The following NRP1 variants were observed in gnomAD, a reference collection of about 807,000 sequenced individuals.
The protein encoded by NRP1 is neuropilin 1, also known as neuropilin-1.
Under a neutral mutation model 106.7 loss-of-function variants are expected in NRP1, and 35 were observed. The observed-to-expected ratio is 0.33, with a 90% CI of 0.25 to 0.43. The LOEUF (loss-of-function observed/expected upper bound fraction) is 0.43, where lower values mean the gene tolerates loss of function less well. Among genes scored for constraint, NRP1 ranks in the 20% least tolerant of loss-of-function variants. The pLI is 1.00. For synonymous variants in NRP1, 437 were observed against 417.9 expected (o/e 1.05, Z -0.56); for missense variants, 1,024 against 1,170.4 (o/e 0.87, Z 1.83).
chr10:33,315,913 G>T (rs765688317), intron 2 of NRP1, among the ~76,000 whole-genome samples: 1 of 152,206 alleles, frequency 6.6e-6, no homozygotes, highest in Non-Finnish European at 1.5e-5. Flanking sequence ...GGAGGAGTGA[G>T]CTTCAAGAAC....
chr10:33,315,959 G>A (rs1011793876), intron 2 of NRP1, among the ~76,000 whole-genome samples: 1 of 152,272 alleles, frequency 6.6e-6, no homozygotes, highest in East Asian at 1.9e-4. Flanking sequence ...ATAGATAAGG[G>A]AGCCACAGGG....
intron 2 of NRP1, among the ~76,000 whole-genome samples, chr10:33,281,733 A>G (rs1339239071): frequency 1.3e-5 from 2 of 152,172 alleles, no homozygotes; most frequent in African/African-American, 2.4e-5. Context: ...ACCTTGCAGA[A>G]TCCCAGGGAG....
intron 6 of NRP1, among the ~76,000 whole-genome samples, chr10:33,232,120 G>A (rs1327701634): frequency 1.3e-5 from 2 of 152,082 alleles, no homozygotes; most frequent in Admixed American, 1.3e-4. Flanking sequence ...AACGTCACAT[G>A]CTAATAGGCA....
intron 2 of NRP1, among the ~76,000 whole-genome samples, chr10:33,303,218 C>A (rs1174214626): frequency 6.6e-6 from 1 of 152,080 alleles, no homozygotes; most frequent in Non-Finnish European, 1.5e-5. Context: ...CAAAGTGTAC[C>A]AAAACAAACA....
chr10:33,197,581 G>A (rs1248005450), intron 12 of NRP1, 69 bp downstream of exon 12: 2 of 1,243,954 alleles, frequency 1.6e-6, no homozygotes, highest in East Asian at 2.5e-5. Flanking sequence ...GAAACTGAAA[G>A]CGAGGAGCGC....
chr10:33,213,535 G>A lies in NRP1; in HGVS notation c.1465C>T (p.Leu489=). The change falls in exon 9 of 17, where the codon CTG becomes TTG. Residue 489 remains leucine (L), a synonymous_variant. Coordinates refer to ENST00000374867, the MANE Select transcript of NRP1 (RefSeq NM_003873.7). ...CCCCTCACGATCTTCTCCTCCCCCA[G>A]GTCTATTTGGAGCCACTCATTGATG... ...SYINEWLQID[L]GEEKIVRGII... 1 of 1,613,980 alleles carries A rather than the reference G, an allele frequency of 6.2e-7. No homozygotes were observed. Among genetic ancestry groups the A allele is most frequent in the Non-Finnish European group, 8.5e-7 (1 of 1,180,000 alleles).
In NRP1 at chr10:33,207,125, T is replaced by C. The variant is rs565043943; in HGVS notation, c.1759+447A>G. Among the ~76,000 whole-genome samples the C allele has an allele frequency of 3.3e-5, 5 of 152,060 alleles. No individual in the cohort carries two copies. The South Asian group carries it at 1.0e-3, about 32-fold the overall frequency. ...AATAATATTTAAAAGGCAAAAGTGG[T>C]TGCCAGGGGTTGAGGGAAGTTGCCT... On this transcript the variant is annotated intron_variant, in intron 10 of 16. Transcript: ENST00000374867.
intron 16 of NRP1, among the ~76,000 whole-genome samples, chr10:33,181,442 G>A (rs576749706): frequency 4.0e-4 from 61 of 152,278 alleles, no homozygotes; most frequent in South Asian, 8.3e-4. Context: ...GAAGTCCACG[G>A]CTGGCCATAG....
At chr10:33,236,807 G>A (rs1338358543) in intron 6 of NRP1, among the ~76,000 whole-genome samples, 1 of 152,114 alleles carries the variant, frequency 6.6e-6, no homozygotes, top group African/African-American at 2.4e-5. Context: ...TATTGCTGAC[G>A]ATTATTGTTT....
chr10:33,323,045 T>A (rs954754530), intron 2 of NRP1, among the ~76,000 whole-genome samples: 3 of 152,074 alleles, frequency 2.0e-5, no homozygotes, highest in Admixed American at 2.0e-4. Flanking sequence ...CTCATCCCCA[T>A]AATGGGCACA....
chr10:33,179,889 A>G lies in NRP1; in HGVS notation c.*187T>C. On this transcript the variant is annotated 3_prime_UTR_variant, in exon 17 of 17. Coordinates refer to ENST00000374867, the MANE Select transcript of NRP1 (RefSeq NM_003873.7). ...ACAGGAAAAAAGCTGACTGCACATG[A>G]GTCCGATGGTGAACACAGCTCCTTG... 1.6e-6 allele frequency: 1 copy of G among 638,066 alleles called. No individual in the cohort carries two copies. The highest frequency in any genetic ancestry group is 2.8e-6 in the Non-Finnish European group (1 of 360,974). The allele number at this position is 638,066 out of a possible 1,614,324, so 39.5% of individuals were successfully genotyped here. A position where few individuals can be genotyped will look rare whatever the true frequency, so the allele number is the denominator to read the frequency against.
chr10:33,237,480 T>TGCGCGCGC (rs143172801), intron 6 of NRP1, among the ~76,000 whole-genome samples: 41 of 132,180 alleles, frequency 3.1e-4, no homozygotes, highest in African/African-American at 6.4e-4. Flanking sequence ...GAAACACACA[T>TGCGCGCGC]GCGCGCGCAC....
chr10:33,323,243 A>C (rs1847648471), intron 2 of NRP1, among the ~76,000 whole-genome samples: 1 of 151,504 alleles, frequency 6.6e-6, no homozygotes, highest in African/African-American at 2.4e-5. Flanking sequence ...ATGTTTTTCA[A>C]AAAAAAACCA....
At position 33,192,377 on chromosome 10, in the gene NRP1, A is replaced by G; in HGVS notation, c.1966T>C (p.Ser656Pro). The G allele has an allele frequency of 3.7e-6, 6 of 1,613,942 alleles. No individual in the cohort carries two copies. The highest frequency in any genetic ancestry group is 5.1e-6 in the Non-Finnish European group (6 of 1,179,918). Residue 656 changes from serine to proline, a missense_variant, in exon 13 of 17, where the codon TCT becomes CCT. By Grantham distance (74) the Ser-to-Pro change is moderately conservative. Transcript: ENST00000374867. The part of the protein sequence containing the change: ...YGFNCEFGWG[S>P]HKTFCHWEHD... ...TCCCAGTGGCAGAAGGTCTTGTGAG[A>G]GCCCCAGCCAAATTCACAGTTAAAA...
intron 6 of NRP1, among the ~76,000 whole-genome samples, chr10:33,234,920 G>T (rs1262066778): frequency 6.6e-6 from 1 of 152,160 alleles, no homozygotes; most frequent in Non-Finnish European, 1.5e-5. Context: ...CAGTGGAAGG[G>T]CTGGCTTCCC....
chr10:33,264,716 G>C (rs1842806418), intron 3 of NRP1, among the ~76,000 whole-genome samples: 1 of 152,166 alleles, frequency 6.6e-6, no homozygotes, highest in South Asian at 2.1e-4. Context: ...GAGCATCCAT[G>C]CATATAGTGC....
chr10:33,334,197 C>T (rs1435411215), intron 1 of NRP1, 113 bp downstream of exon 1: 1 of 917,462 alleles, frequency 1.1e-6, no homozygotes, highest in Non-Finnish European at 1.6e-6. Context: ...TTCCTTCGCC[C>T]GGGAGTCGGT....
At chr10:33,333,535 T>C (rs1388481799) in intron 1 of NRP1, among the ~76,000 whole-genome samples, 1 of 152,248 alleles carries the variant, frequency 6.6e-6, no homozygotes, top group African/African-American at 2.4e-5. Context: ...GACGACTTAC[T>C]GTAAAGATAA....
chr10:33,315,854 C>T (rs2132831710), intron 2 of NRP1, among the ~76,000 whole-genome samples: 1 of 152,250 alleles, frequency 6.6e-6, no homozygotes, highest in East Asian at 1.9e-4. Flanking sequence ...TTTACCCCCA[C>T]CACACCTGTG....
Sources: gnomAD v4.1 joint callset for allele counts (sites outside exome capture counted in the v4.1 genomes callset) on GRCh38, gnomAD v4.1.1 for gene constraint, MANE v1.5 for transcripts, NCBI Gene and HGNC (gene_info 2026-07-23, HGNC 2026-07-21) for gene names.